The following COL18A1 variants were observed in gnomAD, a reference collection of about 807,000 sequenced individuals.
COL18A1 encodes the protein collagen alpha-1(XVIII) chain.
In COL18A1, 133 loss-of-function variants were observed where a neutral mutation model predicts 168.0. That is an observed-to-expected ratio of 0.79 (90% CI 0.69 to 0.91). The LOEUF is 0.91. Among genes scored for constraint, COL18A1 ranks in the 40% least tolerant of loss-of-function variants. The probability of loss-of-function intolerance (pLI) is 0.00; values close to 1 mark genes in which losing one functional copy is unlikely to be tolerated. For synonymous variants in COL18A1, 949 were observed against 809.0 expected, an observed-to-expected ratio of 1.17 and a Z score of -2.94; for missense variants, 2,126 against 1,925.4, an observed-to-expected ratio of 1.10 and a Z score of -1.95.
rs775331354 is a variant in COL18A1, at chr21:45,496,496, A to G, written c.2509-4A>G. On this transcript the variant is annotated splice_polypyrimidine_tract_variant and splice_region_variant and intron_variant, in intron 29 of 41. Transcript: ENST00000651438. ...AGCCTAACAGCTCTCTGCCCTCCCC[A>G]CAGGGAATGCCCGGCCCCCCAGGAC... is the stretch of plus-strand genomic sequence containing the variant. The G allele has an allele frequency of 2.3e-5, 31 of 1,351,962 alleles. No individual in the cohort carries two copies. The highest frequency in any genetic ancestry group is 3.3e-5 in the Non-Finnish European group (31 of 941,436). 83.7% of individuals were successfully genotyped at this position (1,351,962 alleles called of 1,614,324 possible).
Position 45,509,487 on chromosome 21 carries a change from C to A in COL18A1, c.3381C>A (p.Arg1127=). 6.6e-7 allele frequency: 1 copy of A among 1,526,582 alleles called. No homozygotes were observed. The highest frequency in any genetic ancestry group is 8.8e-7 in the Non-Finnish European group (1 of 1,133,940). 94.6% of individuals were successfully genotyped at this position (1,526,582 alleles called of 1,614,324 possible). A position where few individuals can be genotyped will look rare whatever the true frequency, so the allele number is the denominator to read the frequency against. The change falls in exon 39 of 42, where the codon CGC becomes CGA. Residue 1127 remains arginine, a synonymous_variant. Coordinates refer to ENST00000651438, the MANE Select transcript of COL18A1 (RefSeq NM_001379500.1). ...ATGACATCCTGGCCAGCCCCCCTCG[C>A]CTGCCCGAGCCCCAGCCCTACCCCG... is the stretch of plus-strand genomic sequence containing the variant. ...RADDILASPP[R]LPEPQPYPGA...
Position 45,461,763 on chromosome 21 carries a change from A to G in COL18A1, c.107-6479A>G, listed in dbSNP as rs2035057555. ...CTTCTATGCCTGCCTTATTTCCTTT[A>G]GTTTAATATCCTCCAGGTTCATTCA... is the stretch of plus-strand genomic sequence containing the variant. On this transcript the variant is annotated intron_variant, in intron 2 of 41. Transcript: ENST00000651438. Among the ~76,000 whole-genome samples the G allele has an allele frequency of 2.6e-5, 4 of 152,214 alleles. No individual in the cohort carries two copies. In the South Asian group the frequency reaches 8.3e-4, roughly 32 times the overall value.
Position 45,405,832 on chromosome 21 carries a change from C to A in COL18A1, c.106+359C>A, listed in dbSNP as rs930556550. Among the ~76,000 whole-genome samples the A allele has an allele frequency of 1.4e-4, 21 of 151,684 alleles. 1 individual carries two copies. Among genetic ancestry groups the A allele is most frequent in the Admixed American group, 9.2e-4 (14 of 15,248 alleles). On this transcript the variant is annotated intron_variant, in intron 2 of 41. Coordinates refer to ENST00000651438, the MANE Select transcript of COL18A1 (RefSeq NM_001379500.1). Reference sequence around the variant, plus strand: ...TCTGTCGCCGTCACGGCCTCGTCCCCGCAGCGCCGGGTCCCGGGACTGACC... The same window carrying A: ...TCTGTCGCCGTCACGGCCTCGTCCCAGCAGCGCCGGGTCCCGGGACTGACC...
chr21:45,491,166 C>T (rs1960699716), intron 21 of COL18A1, 59 bp from the exon 22 acceptor site: 1 of 1,450,638 alleles, frequency 6.9e-7, no homozygotes, highest in South Asian at 1.1e-5. Flanking sequence ...TGGGTGGACT[C>T]TGGGGTCCTG....
At chr21:45,456,499 C>A (rs1568881477) in intron 2 of COL18A1, 3 of 1,548,010 alleles carry the variant, frequency 1.9e-6, no homozygotes, top group Non-Finnish European at 2.6e-6. Context: ...CTGCCCTGCT[C>A]GGGGCTGACC....
intron 4 of COL18A1, 128 bp downstream of exon 4, chr21:45,474,109 T>C (rs2035545386): frequency 2.8e-6 from 2 of 708,284 alleles, no homozygotes. Context: ...TGCGATACCA[T>C]TTCTGTGCTC....
rs780737161 is a variant in COL18A1, at chr21:45,456,728, G to A, written c.107-11514G>A. 2.8e-4 allele frequency: 422 copies of A among 1,533,980 alleles called. 1 individual carries two copies. Among genetic ancestry groups the A allele is most frequent in the Middle Eastern group, 6.7e-4 (4 of 5,964 alleles). On this transcript the variant is annotated intron_variant, in intron 2 of 41. Coordinates refer to ENST00000651438, the MANE Select transcript of COL18A1 (RefSeq NM_001379500.1). ...GCTGCTGGTCCCCCCATGCGGCAGC[G>A]TCCCGCCGCCCGCCCCGCCACCCTG...
At position 45,509,555 on chromosome 21, in the gene COL18A1, G is replaced by GACCC; in HGVS notation, c.3452_3455dup (p.Ser1153HisfsTer96). On this transcript the variant is annotated frameshift_variant, in exon 39 of 42. Coordinates refer to ENST00000651438, the MANE Select transcript of COL18A1 (RefSeq NM_001379500.1). LOFTEE classifies it high-confidence loss of function. ...TCCTACGTGCACCTGCGGCCGGCGC[G>GACCC]ACCCACAAGCCCACCCGCCCACAGC... 2 of 1,534,092 alleles carry GACCC rather than the reference G, an allele frequency of 1.3e-6. No homozygotes were observed. Among genetic ancestry groups the GACCC allele is most frequent in the Non-Finnish European group, 1.7e-6 (2 of 1,143,726 alleles).
At position 45,510,104 on chromosome 21, in the gene COL18A1, TGCGGGGCATCC is replaced by T. The variant is rs1160505542; in HGVS notation, c.3544_3554del (p.Ile1182ArgfsTer62). The stretch of plus-strand genomic sequence containing the variant: ...CTCAACAGCCCCCTGTCAGGCGGCA[TGCGGGGCATCC>T]GCGGGGCCGACTTCCAGTGCTTCCA... On this transcript the variant is annotated frameshift_variant, in exon 40 of 42. Transcript: ENST00000651438. LOFTEE classifies it high-confidence loss of function. 1.3e-6 allele frequency: 2 copies of T among 1,593,000 alleles called. No individual in the cohort carries two copies. Among genetic ancestry groups the T allele is most frequent in the Non-Finnish European group, 1.7e-6 (2 of 1,172,000 alleles).
At chr21:45,481,129 C>T (rs115488162) in intron 13 of COL18A1, among the ~76,000 whole-genome samples, 2 of 152,134 alleles carry the variant, frequency 1.3e-5, no homozygotes, top group South Asian at 2.1e-4. Context: ...TGTGGGTCCA[C>T]GGACTGCACA....
At chr21:45,456,271 T>A in intron 2 of COL18A1, 1 of 1,576,542 alleles carries the variant, frequency 6.3e-7, no homozygotes, top group Non-Finnish European at 8.6e-7. Context: ...CCGCAGCCGC[T>A]CCCAGCCAGC....
intron 2 of COL18A1, among the ~76,000 whole-genome samples, chr21:45,466,730 G>A (rs897716605): frequency 2.0e-5 from 3 of 152,144 alleles, no homozygotes; most frequent in Non-Finnish European, 4.4e-5. Context: ...TGGGGCCGCC[G>A]GTGTAGCGTG....
intron 2 of COL18A1, among the ~76,000 whole-genome samples, chr21:45,414,342 A>C (rs2033382108): frequency 6.6e-6 from 1 of 152,202 alleles, no homozygotes; most frequent in Non-Finnish European, 1.5e-5. Context: ...GCAGCAGGAC[A>C]TCCCTGTTTT....
chr21:45,408,808 G>GGA (rs1340042178), intron 2 of COL18A1, among the ~76,000 whole-genome samples: 1 of 152,152 alleles, frequency 6.6e-6, no homozygotes. Flanking sequence ...AGCGTATGTT[G>GGA]GAGACCCGAG....
intron 41 of COL18A1, among the ~76,000 whole-genome samples, chr21:45,511,682 C>T (rs1200875971): frequency 1.3e-5 from 2 of 152,194 alleles, no homozygotes; most frequent in South Asian, 2.1e-4. Context: ...CACGTGAGCG[C>T]CGCGATTCTT....
chr21:45,427,202 T>C (rs1169399885), intron 2 of COL18A1, among the ~76,000 whole-genome samples: 4 of 152,192 alleles, frequency 2.6e-5, no homozygotes, highest in African/African-American at 9.7e-5. Context: ...CTGTTCTCCG[T>C]GTGGGTGCCA....
rs1002126692 is a variant in COL18A1, at chr21:45,504,002, C to T, written c.2684-9C>T. 2.1e-5 allele frequency: 34 copies of T among 1,613,368 alleles called. No individual in the cohort carries two copies. The Admixed American group carries it at 4.0e-4, about 19-fold the overall frequency. ...CCTCAGCGAGACCCCGCCTGTCTCTCTCTTGCAGGGCAGTTTCCGTTTGAC... is the reference window on the plus strand; with the variant it reads ...CCTCAGCGAGACCCCGCCTGTCTCTTTCTTGCAGGGCAGTTTCCGTTTGAC... On this transcript the variant is annotated splice_polypyrimidine_tract_variant and intron_variant, in intron 32 of 41. Coordinates refer to ENST00000651438, the MANE Select transcript of COL18A1 (RefSeq NM_001379500.1).
chr21:45,500,175 T>TGTG, intron 32 of COL18A1, among the ~76,000 whole-genome samples: 2 of 113,136 alleles, frequency 1.8e-5, no homozygotes, highest in Non-Finnish European at 3.7e-5. Flanking sequence ...AGTGTGGGGG[T>TGTG]GTATAGTGTG....
chr21:45,443,515 T>C lies in COL18A1; in HGVS notation c.107-24727T>C, dbSNP rs935714747. Among the ~76,000 whole-genome samples, 1 of 152,108 alleles carries C rather than the reference T, an allele frequency of 6.6e-6. No homozygotes were observed. Among genetic ancestry groups the C allele is most frequent in the Non-Finnish European group, 1.5e-5 (1 of 67,996 alleles). On this transcript the variant is annotated intron_variant, in intron 2 of 41. Transcript: ENST00000651438. This position sits in a 1 kb window ranked among gnomAD's most constrained non-coding sequence, Gnocchi z 5.2. ...CACTGGCCACCCAGAGCTAGGAGCC[T>C]CGGCCAAGGGCTCCCTCCTTGCACT... is the stretch of plus-strand genomic sequence containing the variant.
Sources: allele counts gnomAD v4.1 joint callset (sites outside exome capture counted in the v4.1 genomes callset), GRCh38; gene constraint gnomAD v4.1.1; non-coding constraint Gnocchi (gnomAD v3.1); transcripts MANE v1.5; gene names NCBI Gene and HGNC (gene_info 2026-07-23, HGNC 2026-07-21).